PLXNC1: variants seen among roughly 807,000 people sequenced by gnomAD.
PLXNC1 encodes the protein plexin C1.
PLXNC1 carries 75 observed loss-of-function variants against 178.2 expected under a neutral mutation model. That is an observed-to-expected ratio of 0.42 (90% CI 0.35 to 0.51). The LOEUF is 0.51. PLXNC1 is among the 20% of genes least tolerant of loss of function. The pLI is 0.02. For synonymous variants in PLXNC1, 790 were observed against 779.9 expected, an observed-to-expected ratio of 1.01 and a Z score of -0.22; for missense variants, 1,503 against 1,984.4, an observed-to-expected ratio of 0.76 and a Z score of 4.61.
At chr12:94,193,730 T>C (rs1486379247) in intron 4 of PLXNC1, among the ~76,000 whole-genome samples, 2 of 152,114 alleles carry the variant, frequency 1.3e-5, no homozygotes, top group East Asian at 3.9e-4. Flanking sequence ...AGTTATTGCA[T>C]TGAAGCTGGT....
chr12:94,304,876 AGGAATGCTTGCTGTGCTT>A (rs1453405277), intron 30 of PLXNC1, among the ~76,000 whole-genome samples: 1 of 152,230 alleles, frequency 6.6e-6, no homozygotes, highest in Non-Finnish European at 1.5e-5. Context: ...TTGGCTGCCC[AGGAATGCTTGCTGTGCTT>A]GGAATGGCTG....
At chr12:94,173,227 C>T (rs767059374) in intron 2 of PLXNC1, among the ~76,000 whole-genome samples, 12 of 152,128 alleles carry the variant, frequency 7.9e-5, no homozygotes, top group Non-Finnish European at 1.6e-4. Flanking sequence ...AAACACACAC[C>T]GAGTCTTTCT....
At chr12:94,177,177 GTATATATATGTA>G (rs1962103055) in intron 2 of PLXNC1, among the ~76,000 whole-genome samples, 1 of 61,940 alleles carries the variant, frequency 1.6e-5, no homozygotes, top group South Asian at 5.7e-4. Flanking sequence ...ATATATATAC[GTATATATATGTA>G]TATATATATA....
intron 24 of PLXNC1, among the ~76,000 whole-genome samples, chr12:94,295,367 G>A (rs774891259): frequency 1.3e-5 from 2 of 152,208 alleles, no homozygotes; most frequent in African/African-American, 2.4e-5. Context: ...CTGTGGTGAA[G>A]CCATCTTGCA....
chr12:94,192,784 T>C (rs76862288), intron 4 of PLXNC1, among the ~76,000 whole-genome samples: 9,372 of 152,222 alleles, frequency 0.062, 389 homozygotes, highest in Middle Eastern at 0.095. Flanking sequence ...TAGGGAAATA[T>C]ATTCCACCTA....
chr12:94,298,770 G>A lies in PLXNC1; in HGVS notation c.4213G>A (p.Val1405Ile), dbSNP rs377767081. The stretch of plus-strand genomic sequence containing the variant: ...AAACAAAAAAATCACAGATCCTGAC[G>A]TCGTACATATTTGGAAAACAAACAG... ...AENKKITDPD[V>I]VHIWKTNSLP... Residue 1405 changes from valine to isoleucine, a missense_variant, in exon 27 of 31, where the codon GTC (valine) becomes ATC (isoleucine). Physicochemically the swap from Val to Ile is conservative, Grantham distance 29. Coordinates refer to ENST00000258526, the MANE Select transcript of PLXNC1 (RefSeq NM_005761.3). The A allele has an allele frequency of 4.2e-5, 67 of 1,611,030 alleles. No individual in the cohort carries two copies. The highest frequency in any genetic ancestry group is 5.2e-5 in the Non-Finnish European group (61 of 1,179,370).
At chr12:94,165,901 G>A (rs1246879131) in intron 1 of PLXNC1, among the ~76,000 whole-genome samples, 1 of 151,990 alleles carries the variant, frequency 6.6e-6, no homozygotes, top group African/African-American at 2.4e-5. Context: ...AGGGAAGAGG[G>A]CAAACGGGTT....
At chr12:94,177,077 GTA>G (rs199809165) in intron 2 of PLXNC1, among the ~76,000 whole-genome samples, 14,641 of 116,304 alleles carry the variant, frequency 0.13, 829 homozygotes, top group Admixed American at 0.15. Flanking sequence ...GTGTGTGTGT[GTA>G]TATATATATG....
intron 9 of PLXNC1, among the ~76,000 whole-genome samples, chr12:94,230,022 C>G (rs1258386450): frequency 1.3e-5 from 2 of 152,190 alleles, no homozygotes. Flanking sequence ...ACGTTGACAG[C>G]AGTCAAGACA....
chr12:94,248,784 AACAAACAAGGGCCTCTTCAGCACACTC>A (rs1964600164), intron 14 of PLXNC1, among the ~76,000 whole-genome samples: 1 of 152,130 alleles, frequency 6.6e-6, no homozygotes, highest in Non-Finnish European at 1.5e-5. Flanking sequence ...AGAAACCCAA[AACAAACAAGGGCCTCTTCAGCACACTC>A]TGGGTAGCAT....
chr12:94,294,636 T>A, intron 24 of PLXNC1, 96 bp downstream of exon 24: 1 of 622,364 alleles, frequency 1.6e-6, no homozygotes, highest in Non-Finnish European at 3.0e-6. Flanking sequence ...AAGGTGAGAT[T>A]GAGTTGTTGC....
chr12:94,253,860 GAC>G (rs1964768618), intron 15 of PLXNC1, among the ~76,000 whole-genome samples: 4 of 151,840 alleles, frequency 2.6e-5, no homozygotes, highest in South Asian at 2.1e-4. Flanking sequence ...TTTTTGTAGA[GAC>G]AGAAAAATAT....
intron 26 of PLXNC1, among the ~76,000 whole-genome samples, chr12:94,297,794 G>T (rs1052464076): frequency 5.7e-4 from 87 of 152,134 alleles, no homozygotes; most frequent in African/African-American, 1.9e-3. Flanking sequence ...AAAATGAAGG[G>T]GATGGGAAGG....
intron 2 of PLXNC1, among the ~76,000 whole-genome samples, chr12:94,176,650 A>G (rs2135951294): frequency 6.6e-6 from 1 of 152,348 alleles, no homozygotes; most frequent in South Asian, 2.1e-4. Context: ...AAAAGAACCA[A>G]GAAAATATTC....
At chr12:94,166,566 T>C (rs868594042) in intron 1 of PLXNC1, among the ~76,000 whole-genome samples, 77 of 145,958 alleles carry the variant, frequency 5.3e-4, no homozygotes, top group African/African-American at 1.8e-3. Flanking sequence ...ATTATTATTA[T>C]TACTATCATC....
intron 5 of PLXNC1, among the ~76,000 whole-genome samples, chr12:94,212,659 C>T (rs1869070871): frequency 6.6e-6 from 1 of 151,524 alleles, no homozygotes; most frequent in Admixed American, 6.6e-5. Context: ...ATGAACTCAT[C>T]TTTTTTATGG....
intron 27 of PLXNC1, among the ~76,000 whole-genome samples, chr12:94,299,703 G>A (rs772970369): frequency 1.3e-5 from 2 of 152,088 alleles, no homozygotes; most frequent in African/African-American, 2.4e-5. Context: ...GGAATTACAC[G>A]AGCATGCCAC....
Position 94,181,591 on chromosome 12 carries a change from A to G in PLXNC1, c.1338+11A>G. On this transcript the variant is annotated intron_variant, in intron 3 of 30. Transcript: ENST00000258526. ...ACAGCTGGGAAAGAGGTAGGTAGAA[A>G]TACTAGTTATTGCTTCTGATTTATG... is the stretch of plus-strand genomic sequence containing the variant. 6.3e-7 allele frequency: 1 copy of G among 1,590,774 alleles called. No homozygotes were observed. The highest frequency in any genetic ancestry group is 8.6e-7 in the Non-Finnish European group (1 of 1,162,096).
At chr12:94,247,544 G>C (rs1234378667) in intron 12 of PLXNC1, among the ~76,000 whole-genome samples, 1 of 152,148 alleles carries the variant, frequency 6.6e-6, no homozygotes, top group African/African-American at 2.4e-5. Flanking sequence ...CCTTGGGTCA[G>C]AATCTTCCCC....
Sources: gnomAD v4.1 joint callset for allele counts (sites outside exome capture counted in the v4.1 genomes callset) on GRCh38, gnomAD v4.1.1 for gene constraint, MANE v1.5 for transcripts, NCBI Gene and HGNC (gene_info 2026-07-23, HGNC 2026-07-21) for gene names.